DGKB: variants seen among roughly 807,000 people sequenced by gnomAD.
The protein encoded by DGKB is diacylglycerol kinase beta.
DGKB carries 67 observed loss-of-function variants against 114.3 expected under a neutral mutation model. The ratio of observed to expected loss-of-function variants is 0.59; its 90% CI spans 0.48 to 0.72. The LOEUF is 0.72. Among genes scored for constraint, DGKB ranks in the 30% least tolerant of loss-of-function variants. The pLI, the probability that DGKB is intolerant of heterozygous loss-of-function variation, is 0.00. For missense variants in DGKB, 907 were observed against 975.2 expected, an observed-to-expected ratio of 0.93 and a Z score of 0.93; for synonymous variants, 398 against 323.1, an observed-to-expected ratio of 1.23 and a Z score of -2.49.
chr7:14,228,508 T>A (rs1034397973), intron 23 of DGKB, among the ~76,000 whole-genome samples: 1 of 151,926 alleles, frequency 6.6e-6, no homozygotes, highest in Non-Finnish European at 1.5e-5. Flanking sequence ...TGAAAACAAT[T>A]TTAGAGCTGT....
intron 25 of DGKB, among the ~76,000 whole-genome samples, chr7:14,173,818 T>C (rs1781353748): frequency 2.6e-5 from 4 of 152,182 alleles, no homozygotes; most frequent in Admixed American, 2.6e-4. Context: ...CATAGTCTAC[T>C]ATGATTCTTG....
intron 21 of DGKB, among the ~76,000 whole-genome samples, chr7:14,387,286 G>T (rs1425543170): frequency 6.6e-6 from 1 of 151,630 alleles, no homozygotes; most frequent in Non-Finnish European, 1.5e-5. Context: ...GGTAGCATGT[G>T]CCTGTAATCC....
chr7:14,284,242 C>G (rs955275887), intron 23 of DGKB, among the ~76,000 whole-genome samples: 15 of 147,972 alleles, frequency 1.0e-4, no homozygotes, highest in African/African-American at 3.7e-4. Context: ...CTTATGCAGC[C>G]AAAAAACACA....
intron 2 of DGKB, among the ~76,000 whole-genome samples, chr7:14,777,120 G>A (rs1041601249): frequency 6.6e-6 from 1 of 152,080 alleles, no homozygotes; most frequent in African/African-American, 2.4e-5. Context: ...CTTTGTTTTG[G>A]CCAATTTCTT....
intron 20 of DGKB, among the ~76,000 whole-genome samples, chr7:14,540,876 T>C (rs1793314078): frequency 6.6e-6 from 1 of 152,168 alleles, no homozygotes; most frequent in Non-Finnish European, 1.5e-5. Context: ...ATCAACACTG[T>C]CTTCTTTTTA....
intron 23 of DGKB, among the ~76,000 whole-genome samples, chr7:14,306,269 A>C (rs543031033): frequency 6.6e-6 from 1 of 152,170 alleles, no homozygotes; most frequent in Non-Finnish European, 1.5e-5. Flanking sequence ...GACTGGAATC[A>C]ATCAGCTTAA....
chr7:14,248,474 C>T (rs1042719652), intron 23 of DGKB, among the ~76,000 whole-genome samples: 3 of 151,996 alleles, frequency 2.0e-5, no homozygotes, highest in South Asian at 2.1e-4. Context: ...TTAATTCTTA[C>T]GATTCAAGAA....
At chr7:14,367,435 G>C (rs746189344) in intron 21 of DGKB, among the ~76,000 whole-genome samples, 6 of 151,936 alleles carry the variant, frequency 3.9e-5, no homozygotes, top group Non-Finnish European at 7.4e-5. Context: ...ACACACTCTT[G>C]CCTGATGCCA....
chr7:14,570,284 G>T (rs1417112510), intron 20 of DGKB, among the ~76,000 whole-genome samples: 1 of 151,760 alleles, frequency 6.6e-6, no homozygotes, highest in African/African-American at 2.4e-5. Context: ...TGTTGTTGTT[G>T]TTACTCTCTG....
Position 14,176,884 on chromosome 7 carries a change from C to T in DGKB, c.2259G>A (p.Leu753=), listed in dbSNP as rs1204473192. 1 of 1,613,598 alleles carries T rather than the reference C, an allele frequency of 6.2e-7. No homozygotes were observed. The highest frequency in any genetic ancestry group is 8.5e-7 in the Non-Finnish European group (1 of 1,179,580). ...SCVVIRTSKS[L]PMQIDGEPWM... ...ATGGCTCCCCATCAATTTGCATTGG[C>T]AGAGACTTGCTCGTCCTGGGGGAAA... The change falls in exon 25 of 26, where the codon CTG becomes CTA. Residue 753 remains leucine, a synonymous_variant. Coordinates refer to ENST00000402815, the MANE Select transcript of DGKB (RefSeq NM_001350709.2).
At chr7:14,409,039 G>T (rs1042161025) in intron 21 of DGKB, among the ~76,000 whole-genome samples, 1 of 152,058 alleles carries the variant, frequency 6.6e-6, no homozygotes, top group African/African-American at 2.4e-5. Context: ...ACAATACATG[G>T]CACCATTTGC....
intron 2 of DGKB, among the ~76,000 whole-genome samples, chr7:14,787,934 C>T (rs959964701): frequency 1.3e-5 from 2 of 148,962 alleles, no homozygotes; most frequent in Admixed American, 1.3e-4. Context: ...CCAAGATCCA[C>T]CACCATTACA....
intron 1 of DGKB, among the ~76,000 whole-genome samples, chr7:14,910,314 G>GAAAGAAAGAAAGAAAGAAAA (rs1209418948): frequency 4.5e-5 from 6 of 132,366 alleles, no homozygotes; most frequent in African/African-American, 1.1e-4. Context: ...AAGAAAGAAA[G>GAAAGAAAGAAAGAAAGAAAA]AACCTTATAT....
chr7:14,282,934 T>A (rs1290438077), intron 23 of DGKB, among the ~76,000 whole-genome samples: 3 of 152,084 alleles, frequency 2.0e-5, no homozygotes, highest in African/African-American at 7.2e-5. Flanking sequence ...CTGGAAGCAT[T>A]CCCTTTGAAA....
chr7:14,899,740 T>G (rs1287960493), intron 1 of DGKB, among the ~76,000 whole-genome samples: 1 of 152,106 alleles, frequency 6.6e-6, no homozygotes, highest in East Asian at 1.9e-4. Context: ...TGGATTCCAG[T>G]TTAGGTGGAT....
chr7:14,369,464 T>C (rs957325716), intron 21 of DGKB, among the ~76,000 whole-genome samples: 2 of 152,210 alleles, frequency 1.3e-5, no homozygotes, highest in African/African-American at 4.8e-5. Flanking sequence ...TCAAATGGTA[T>C]TTCTGGTTCT....
At chr7:14,620,793 C>T (rs1322182881) in intron 15 of DGKB, among the ~76,000 whole-genome samples, 1 of 151,408 alleles carries the variant, frequency 6.6e-6, no homozygotes, top group Non-Finnish European at 1.5e-5. Context: ...ATAACTTACA[C>T]GTTTTTATAT....
At chr7:14,764,078 G>T (rs969055165) in intron 2 of DGKB, among the ~76,000 whole-genome samples, 3 of 151,806 alleles carry the variant, frequency 2.0e-5, no homozygotes, top group African/African-American at 4.8e-5. Flanking sequence ...GATATTCGTG[G>T]TATAGAAGAC....
intron 23 of DGKB, among the ~76,000 whole-genome samples, chr7:14,253,574 A>T (rs1584746297): frequency 6.6e-6 from 1 of 152,182 alleles, no homozygotes; most frequent in Admixed American, 6.5e-5. Context: ...CCTTATTGCT[A>T]TTATGTCTGA....
Sources: allele counts gnomAD v4.1 joint callset (sites outside exome capture counted in the v4.1 genomes callset), GRCh38; gene constraint gnomAD v4.1.1; transcripts MANE v1.5; gene names NCBI Gene and HGNC (gene_info 2026-07-23, HGNC 2026-07-21).